The following RERG variants were observed in gnomAD, a reference collection of about 807,000 sequenced individuals.
RERG encodes the protein ras-related and estrogen-regulated growth inhibitor.
RERG carries 25 observed loss-of-function variants against 23.2 expected under a neutral mutation model. The ratio of observed to expected loss-of-function variants is 1.08; its 90% confidence interval spans 0.79 to 1.50. RERG has a LOEUF of 1.50. RERG is among the 40% of genes most tolerant of loss of function. RERG has a pLI of 0.00. For missense variants in RERG, 253 were observed against 250.1 expected, an observed-to-expected ratio of 1.01 and a Z score of -0.08; for synonymous variants, 81 against 89.1, an observed-to-expected ratio of 0.91 and a Z score of 0.51.
chr12:15,165,263 G>C (rs991590659), intron 2 of RERG, among the ~76,000 whole-genome samples: 1 of 151,924 alleles, frequency 6.6e-6, no homozygotes, highest in East Asian at 1.9e-4. Context: ...AACTGTCTCC[G>C]TACAACTAAG....
chr12:15,198,414 T>C (rs1407050315), intron 2 of RERG, among the ~76,000 whole-genome samples: 1 of 152,136 alleles, frequency 6.6e-6, no homozygotes, highest in Non-Finnish European at 1.5e-5. Context: ...CATTCCTGAG[T>C]TTCCAAATGC....
chr12:15,181,887 A>C (rs1864927186), intron 2 of RERG, among the ~76,000 whole-genome samples: 1 of 152,148 alleles, frequency 6.6e-6, no homozygotes, highest in African/African-American at 2.4e-5. Flanking sequence ...GGGCTTCGCT[A>C]TTCATAGAGC....
intron 2 of RERG, among the ~76,000 whole-genome samples, chr12:15,208,961 AT>A (rs1865330874): frequency 6.8e-6 from 1 of 148,120 alleles, no homozygotes; most frequent in Non-Finnish European, 1.5e-5. Context: ...AAAAAAAAAA[AT>A]CAACTCAATG....
At chr12:15,180,926 G>A (rs17762368) in intron 2 of RERG, among the ~76,000 whole-genome samples, 26,957 of 152,136 alleles carry the variant, frequency 0.18, 2,650 homozygotes, top group South Asian at 0.24. Flanking sequence ...TACTTCAAAC[G>A]CTCTCAGACT....
intron 2 of RERG, among the ~76,000 whole-genome samples, chr12:15,140,544 G>GT (rs1188768849): frequency 3.0e-5 from 4 of 131,578 alleles, no homozygotes. Flanking sequence ...CCTATGTAAT[G>GT]TTTTTTTCTC....
intron 2 of RERG, chr12:15,137,935 T>C (rs1864172193): frequency 2.4e-6 from 1 of 414,966 alleles, no homozygotes; most frequent in East Asian, 7.2e-5. Flanking sequence ...ATCATTTTTT[T>C]TTCAAGGCAG....
intron 2 of RERG, among the ~76,000 whole-genome samples, chr12:15,177,847 T>G (rs1864873146): frequency 6.6e-6 from 1 of 150,906 alleles, no homozygotes; most frequent in Non-Finnish European, 1.5e-5. Context: ...TTGTTTTTTT[T>G]TTTTTTTTTT....
chr12:15,185,849 A>G (rs1019442844), intron 2 of RERG, among the ~76,000 whole-genome samples: 1 of 152,124 alleles, frequency 6.6e-6, no homozygotes, highest in Non-Finnish European at 1.5e-5. Context: ...AAAAAAAAAT[A>G]CAAAACATAA....
At position 15,111,412 on chromosome 12, in the gene RERG, T is replaced by C. The variant is rs749752774; in HGVS notation, c.124A>G (p.Thr42Ala). 1.9e-6 allele frequency: 3 copies of C among 1,612,394 alleles called. No homozygotes were observed. In the African/African-American group the frequency reaches 4.0e-5, roughly 22 times the overall value. ...TCGATGGTTGCTTGGTGTCGGTAGG[T>C]TGATTCTAAGGGAATGAGCAAATAA... ...IWEYDPTLES[T>A]YRHQATIDDE... Residue 42 changes from threonine to alanine, a missense_variant, in exon 4 of 5, where the codon ACC becomes GCC. Physicochemically the swap from Thr to Ala is moderately conservative, Grantham distance 58. Transcript: ENST00000256953.
intron 2 of RERG, among the ~76,000 whole-genome samples, chr12:15,144,082 A>C (rs1864288231): frequency 6.6e-6 from 1 of 152,118 alleles, no homozygotes; most frequent in African/African-American, 2.4e-5. Context: ...AAGGGTGTGG[A>C]GTATGAGAGG....
intron 2 of RERG, among the ~76,000 whole-genome samples, chr12:15,200,982 GC>G (rs1465624677): frequency 6.6e-6 from 1 of 151,688 alleles, no homozygotes; most frequent in Non-Finnish European, 1.5e-5. Flanking sequence ...ATACTGCTGG[GC>G]CCTAAAAGCC....
intron 2 of RERG, among the ~76,000 whole-genome samples, chr12:15,132,553 A>G (rs1281577833): frequency 6.6e-6 from 1 of 152,180 alleles, no homozygotes; most frequent in Admixed American, 6.5e-5. Flanking sequence ...TTGGGTAAAG[A>G]TTTAGATGTG....
intron 2 of RERG, among the ~76,000 whole-genome samples, chr12:15,133,742 T>TG (rs56407737): frequency 6.7e-6 from 1 of 149,196 alleles, no homozygotes; most frequent in Non-Finnish European, 1.5e-5. Flanking sequence ...TTTTTTTTTT[T>TG]GCTCCACATC....
intron 1 of RERG, among the ~76,000 whole-genome samples, chr12:15,218,416 G>T (rs978071433): frequency 2.6e-5 from 4 of 151,202 alleles, no homozygotes; most frequent in Non-Finnish European, 2.9e-5. Flanking sequence ...GTGGTGGTGG[G>T]GGCTGGAGTG....
intron 2 of RERG, among the ~76,000 whole-genome samples, chr12:15,126,128 C>CATATATATATATATATATATATATAT (rs67901734): frequency 4.0e-4 from 36 of 89,052 alleles, no homozygotes; most frequent in East Asian, 6.5e-4. Flanking sequence ...TTGTATATAC[C>CATATATATATATATATATATATATAT]ATATATATAT....
At chr12:15,169,942 G>GTGTT (rs1482486225) in intron 2 of RERG, among the ~76,000 whole-genome samples, 1 of 151,404 alleles carries the variant, frequency 6.6e-6, no homozygotes, top group Non-Finnish European at 1.5e-5. Context: ...GTGTGTGTGT[G>GTGTT]TGTGTGTGTG....
intron 2 of RERG, among the ~76,000 whole-genome samples, chr12:15,122,782 G>A (rs927622316): frequency 1.3e-5 from 2 of 150,138 alleles, no homozygotes; most frequent in African/African-American, 4.9e-5. Context: ...GTTAGACTAC[G>A]TAGTTGTTTT....
chr12:15,202,319 A>G (rs1865228250), intron 2 of RERG, among the ~76,000 whole-genome samples: 1 of 151,758 alleles, frequency 6.6e-6, no homozygotes, highest in Non-Finnish European at 1.5e-5. Context: ...TATGAGATCT[A>G]ACCTCTTAAC....
intron 2 of RERG, among the ~76,000 whole-genome samples, chr12:15,162,610 GA>G (rs1864630832): frequency 6.6e-6 from 1 of 152,194 alleles, no homozygotes; most frequent in Non-Finnish European, 1.5e-5. Flanking sequence ...ATTGAAGTGA[GA>G]AAAGGCAGCA....
Sources: gnomAD v4.1 joint callset for allele counts (sites outside exome capture counted in the v4.1 genomes callset) on GRCh38, gnomAD v4.1.1 for gene constraint, MANE v1.5 for transcripts, NCBI Gene and HGNC (gene_info 2026-07-23, HGNC 2026-07-21) for gene names.